Variants in FGF7 observed in about 807,000 individuals in gnomAD.
FGF7 encodes the protein fibroblast growth factor 7.
In FGF7, 6 loss-of-function variants were observed where a neutral mutation model predicts 20.5. The ratio of observed to expected loss-of-function variants is 0.29; its 90% CI spans 0.16 to 0.58. The LOEUF (loss-of-function observed/expected upper bound fraction) is 0.58. Among genes scored for constraint, FGF7 ranks in the 20% least tolerant of loss-of-function variants. FGF7 has a pLI of 0.90. For synonymous variants in FGF7, 64 were observed against 74.7 expected (o/e 0.86, Z 0.74); for missense variants, 144 against 228.8 (o/e 0.63, Z 2.39).
chr15:49,451,428 A>G (rs189424277), intron 2 of FGF7, among the ~76,000 whole-genome samples: 1 of 152,192 alleles, frequency 6.6e-6, no homozygotes, highest in Admixed American at 6.6e-5. Flanking sequence ...AGAGAAGTCT[A>G]TGCATTGCTG....
chr15:49,480,542 C>T (rs546014042), intron 2 of FGF7, among the ~76,000 whole-genome samples: 3 of 135,766 alleles, frequency 2.2e-5, no homozygotes, highest in South Asian at 4.6e-4. Context: ...AGGGCAGTGG[C>T]GCCATTTTGG....
At chr15:49,478,428 T>C (rs2055570907) in intron 2 of FGF7, among the ~76,000 whole-genome samples, 1 of 152,134 alleles carries the variant, frequency 6.6e-6, no homozygotes, top group African/African-American at 2.4e-5. Context: ...CGGTGTATTT[T>C]AGTGATGTAA....
intron 1 of FGF7, 59 bp downstream of exon 1, chr15:49,423,499 C>CT (rs1197452479): frequency 2.0e-5 from 3 of 152,090 alleles, no homozygotes; most frequent in Non-Finnish European, 4.4e-5. Context: ...AAGTTTATCT[C>CT]TTTTTCTGAT....
intron 2 of FGF7, among the ~76,000 whole-genome samples, chr15:49,440,642 G>C (rs1395769204): frequency 1.3e-5 from 2 of 151,640 alleles, no homozygotes; most frequent in African/African-American, 4.8e-5. Flanking sequence ...TTAACTATTT[G>C]TCAGGCACAG....
intron 2 of FGF7, chr15:49,425,380 T>C (rs1404943113): frequency 1.3e-5 from 2 of 152,052 alleles, no homozygotes; most frequent in Non-Finnish European, 2.9e-5. Flanking sequence ...GTGTTTTGCA[T>C]TTAATGGTTA....
At chr15:49,430,868 G>A (rs2050551041) in intron 2 of FGF7, among the ~76,000 whole-genome samples, 1 of 151,842 alleles carries the variant, frequency 6.6e-6, no homozygotes, top group African/African-American at 2.4e-5. Context: ...ATGAGTTTTG[G>A]AGAGGACATT....
intron 2 of FGF7, among the ~76,000 whole-genome samples, chr15:49,440,429 A>C (rs1185663724): frequency 1.3e-5 from 2 of 151,784 alleles, no homozygotes; most frequent in Non-Finnish European, 2.9e-5. Context: ...AGATCAGCAA[A>C]TTGATTATAG....
At chr15:49,445,791 T>C (rs1265729773) in intron 2 of FGF7, among the ~76,000 whole-genome samples, 1 of 151,592 alleles carries the variant, frequency 6.6e-6, no homozygotes, top group Admixed American at 6.6e-5. Flanking sequence ...GAAATAATAG[T>C]AAAAGAGTGT....
intron 2 of FGF7, among the ~76,000 whole-genome samples, chr15:49,476,094 T>G (rs1007820527): frequency 6.6e-6 from 1 of 152,136 alleles, no homozygotes; most frequent in African/African-American, 2.4e-5. Context: ...GTTTCCATCT[T>G]TTCTACCTAT....
chr15:49,429,431 T>C (rs762362414), intron 2 of FGF7, among the ~76,000 whole-genome samples: 34 of 151,994 alleles, frequency 2.2e-4, no homozygotes, highest in Non-Finnish European at 4.1e-4. Flanking sequence ...GTTCATTCAT[T>C]GCCACGAGTG....
intron 2 of FGF7, among the ~76,000 whole-genome samples, chr15:49,430,913 A>G (rs530153658): frequency 6.8e-6 from 1 of 148,034 alleles, no homozygotes; most frequent in East Asian, 2.0e-4. Context: ...GATCAGAGAA[A>G]AGACATAAAG....
In FGF7 at chr15:49,488,234, T is replaced by C. The variant is rs954013142; in HGVS notation, c.*3730T>C. On this transcript the variant is annotated 3_prime_UTR_variant, in exon 4 of 4. Coordinates refer to ENST00000267843, the MANE Select transcript of FGF7 (RefSeq NM_002009.4). ...TGTATCTTAATATGAAATAGCTCAT[T>C]AAAACTTCATGTGTAACTATTTCAG... 6.6e-6 allele frequency: 1 copy of C among 151,988 alleles called. No homozygotes were observed. Among genetic ancestry groups the C allele is most frequent in the Non-Finnish European group, 1.5e-5 (1 of 67,926 alleles). The allele number at this position is 151,988 out of a possible 1,614,324, so 9.4% of individuals were successfully genotyped here.
chr15:49,455,115 C>G (rs531063347), intron 2 of FGF7, among the ~76,000 whole-genome samples: 1 of 152,252 alleles, frequency 6.6e-6, no homozygotes, highest in Admixed American at 6.5e-5. Flanking sequence ...TCAACCCTCA[C>G]CTATTGAGTC....
intron 2 of FGF7, among the ~76,000 whole-genome samples, chr15:49,458,025 T>A (rs532985356): frequency 1.3e-5 from 2 of 152,134 alleles, no homozygotes; most frequent in African/African-American, 4.8e-5. Context: ...ATTCACTTTA[T>A]AGCAAGATTG....
chr15:49,478,832 T>C (rs1280670544), intron 2 of FGF7, among the ~76,000 whole-genome samples: 1 of 152,164 alleles, frequency 6.6e-6, no homozygotes, highest in East Asian at 1.9e-4. Context: ...TAAAAAGTAA[T>C]TTTTCAAATA....
chr15:49,483,684 T>C (rs1213335281), intron 3 of FGF7, among the ~76,000 whole-genome samples: 2 of 152,070 alleles, frequency 1.3e-5, no homozygotes, highest in Non-Finnish European at 2.9e-5. Context: ...ATCATGGGCA[T>C]TGAAATGTAA....
intron 2 of FGF7, among the ~76,000 whole-genome samples, chr15:49,449,355 G>A (rs766394021): frequency 2.0e-5 from 3 of 152,026 alleles, no homozygotes; most frequent in Non-Finnish European, 2.9e-5. Flanking sequence ...CTATAGGACA[G>A]TGATTTTAGT....
intron 2 of FGF7, among the ~76,000 whole-genome samples, chr15:49,473,043 A>T (rs1322592905): frequency 6.6e-6 from 1 of 152,220 alleles, no homozygotes; most frequent in Non-Finnish European, 1.5e-5. Context: ...TCATGTTTCC[A>T]AAGGTACTTG....
rs1424674822 is a variant in FGF7 at position 49,480,543 on chromosome 15, G to A, written c.287-2608G>A. On this transcript the variant is annotated intron_variant, in intron 2 of 3. Coordinates refer to ENST00000267843, the MANE Select transcript of FGF7 (RefSeq NM_002009.4). ...GTTGCCTAGGCTAGAGGGCAGTGGC[G>A]CCATTTTGGCTCACTGCAGCCTCCG... 4.1e-5 allele frequency among the ~76,000 whole-genome samples: 6 copies of A among 147,358 alleles called. No homozygotes were observed. The East Asian group carries it at 1.0e-3, about 25-fold the overall frequency.
Sources: allele counts gnomAD v4.1 joint callset (sites outside exome capture counted in the v4.1 genomes callset), GRCh38; gene constraint gnomAD v4.1.1; transcripts MANE v1.5; gene names NCBI Gene and HGNC (gene_info 2026-07-23, HGNC 2026-07-21).